RIPOR3: variants seen among roughly 807,000 people sequenced by gnomAD.
RIPOR3 encodes the protein RIPOR family member 3.
RIPOR3 carries 95 observed loss-of-function variants against 114.3 expected under a neutral mutation model. The ratio of observed to expected loss-of-function variants is 0.83; its 90% CI spans 0.70 to 0.99. The LOEUF (loss-of-function observed/expected upper bound fraction) is 0.99. RIPOR3 is among the 50% of genes least tolerant of loss of function. The pLI, the probability that RIPOR3 is intolerant of heterozygous loss-of-function variation, is 0.00. For missense variants in RIPOR3, 1,252 were observed against 1,266.9 expected (o/e 0.99, Z 0.18); for synonymous variants, 575 against 543.8 (o/e 1.06, Z -0.80).
intron 1 of RIPOR3, among the ~76,000 whole-genome samples, chr20:50,687,697 T>A (rs1015284361): frequency 6.6e-6 from 1 of 151,990 alleles, no homozygotes; most frequent in South Asian, 2.1e-4. Flanking sequence ...AGGTTAGGAG[T>A]TCGAGACCAG....
intron 1 of RIPOR3, among the ~76,000 whole-genome samples, chr20:50,657,130 T>C (rs1432019889): frequency 6.6e-6 from 1 of 152,230 alleles, no homozygotes; most frequent in Non-Finnish European, 1.5e-5. Context: ...CTCATGCCTA[T>C]AGTCCCAACA....
intron 4 of RIPOR3, among the ~76,000 whole-genome samples, chr20:50,612,618 T>G (rs6012975): frequency 0.021 from 3,210 of 152,236 alleles, 132 homozygotes; most frequent in African/African-American, 0.074. Flanking sequence ...TTTACATGAT[T>G]ATGTGACCAG....
intron 1 of RIPOR3, among the ~76,000 whole-genome samples, chr20:50,654,688 G>C (rs987938712): frequency 6.6e-6 from 1 of 152,064 alleles, no homozygotes; most frequent in Non-Finnish European, 1.5e-5. Context: ...CTTACACTTA[G>C]GAGGTGATTC....
intron 2 of RIPOR3, among the ~76,000 whole-genome samples, chr20:50,624,050 T>C (rs138076738): frequency 0.011 from 1,696 of 152,302 alleles, 39 homozygotes; most frequent in African/African-American, 0.039. Context: ...TTGGCCAGGC[T>C]GGTCTTGAAC....
At chr20:50,619,566 C>T (rs902837398) in intron 3 of RIPOR3, among the ~76,000 whole-genome samples, 3 of 152,336 alleles carry the variant, frequency 2.0e-5, no homozygotes, top group African/African-American at 2.4e-5. Flanking sequence ...TGACCTCTTG[C>T]GTGTGTGGGC....
At chr20:50,606,861 CTGAAA>C (rs1452293887) in intron 11 of RIPOR3, among the ~76,000 whole-genome samples, 1 of 152,100 alleles carries the variant, frequency 6.6e-6, no homozygotes, top group African/African-American at 2.4e-5. Context: ...TCCCAAGTAG[CTGAAA>C]CTATAGGCCC....
At chr20:50,637,880 A>C (rs1408472578) in intron 1 of RIPOR3, among the ~76,000 whole-genome samples, 1 of 152,052 alleles carries the variant, frequency 6.6e-6, no homozygotes, top group Non-Finnish European at 1.5e-5. Context: ...GTCTCAAAAA[A>C]AAATTTTTTT....
chr20:50,611,380 A>G (rs1165726717), intron 4 of RIPOR3, among the ~76,000 whole-genome samples, 176 bp from the exon 5 acceptor site: 3 of 152,242 alleles, frequency 2.0e-5, no homozygotes, highest in African/African-American at 7.2e-5. Flanking sequence ...GTCCACGCCA[A>G]GGACAGCACT....
At chr20:50,604,046 G>A (rs1341538507) in intron 12 of RIPOR3, among the ~76,000 whole-genome samples, 1 of 152,134 alleles carries the variant, frequency 6.6e-6, no homozygotes, top group African/African-American at 2.4e-5. Flanking sequence ...GCCAGATGTG[G>A]TGGCGTGTGC....
chr20:50,634,053 C>A (rs1275900687), intron 1 of RIPOR3, among the ~76,000 whole-genome samples: 4 of 149,364 alleles, frequency 2.7e-5, no homozygotes. Context: ...ACGATCTCAG[C>A]TCACTGCAAC....
chr20:50,608,335 C>A, intron 11 of RIPOR3, 54 bp downstream of exon 11: 1 of 1,607,336 alleles, frequency 6.2e-7, no homozygotes, highest in Non-Finnish European at 8.5e-7. Context: ...TGTGGCCAGG[C>A]CACCAGGGGC....
intron 14 of RIPOR3, among the ~76,000 whole-genome samples, chr20:50,596,669 T>C (rs1340617379): frequency 2.6e-5 from 4 of 152,132 alleles, no homozygotes; most frequent in Non-Finnish European, 5.9e-5. Flanking sequence ...CCAAGTCCAC[T>C]CTGTGGTAGA....
At chr20:50,600,729 C>T (rs756907004) in intron 13 of RIPOR3, among the ~76,000 whole-genome samples, 10 of 152,176 alleles carry the variant, frequency 6.6e-5, no homozygotes, top group Non-Finnish European at 1.0e-4. Context: ...CACTGAACTC[C>T]AGCCTGGGCA....
chr20:50,639,933 G>A (rs1378704003), intron 1 of RIPOR3, among the ~76,000 whole-genome samples: 1 of 152,070 alleles, frequency 6.6e-6, no homozygotes, highest in Non-Finnish European at 1.5e-5. Flanking sequence ...AGCACAGCCT[G>A]TGACAGCCTG....
intron 6 of RIPOR3, 56 bp from the exon 7 acceptor site, chr20:50,609,778 C>T (rs528250528): frequency 7.4e-7 from 1 of 1,354,670 alleles, no homozygotes; most frequent in South Asian, 2.0e-5. Context: ...GGCCCCACAC[C>T]TGCCTGTCGA....
At chr20:50,610,039 C>A (rs2083907361) in intron 6 of RIPOR3, among the ~76,000 whole-genome samples, 1 of 124,630 alleles carries the variant, frequency 8.0e-6, no homozygotes, top group African/African-American at 3.0e-5. Context: ...CACCTGCCAC[C>A]CCTGCCTCCC....
At chr20:50,593,356 T>C (rs1271326043) in intron 17 of RIPOR3, among the ~76,000 whole-genome samples, 160 bp from the exon 18 acceptor site, 2 of 152,050 alleles carry the variant, frequency 1.3e-5, no homozygotes, top group African/African-American at 4.8e-5. Flanking sequence ...GCAGATCACC[T>C]GAGGTCAGGA....
chr20:50,666,226 T>TCTTTTCTCTTCTCCTCTCTTCTC (rs1555873214), intron 1 of RIPOR3, among the ~76,000 whole-genome samples: 3 of 139,730 alleles, frequency 2.1e-5, no homozygotes, highest in African/African-American at 5.4e-5. Flanking sequence ...TCTTTTCTTT[T>TCTTTTCTCTTCTCCTCTCTTCTC]TTGAGACGGA....
At chr20:50,599,209 T>C (rs1036668307) in intron 13 of RIPOR3, among the ~76,000 whole-genome samples, 3 of 152,094 alleles carry the variant, frequency 2.0e-5, no homozygotes, top group African/African-American at 4.8e-5. Flanking sequence ...CTAGCCAACA[T>C]AGTGAAACCC....
Sources: gnomAD v4.1 joint callset for allele counts (sites outside exome capture counted in the v4.1 genomes callset) on GRCh38, gnomAD v4.1.1 for gene constraint, MANE v1.5 for transcripts, NCBI Gene and HGNC (gene_info 2026-07-23, HGNC 2026-07-21) for gene names.